RARB: variants seen among roughly 807,000 people sequenced by gnomAD.
RARB encodes the protein retinoic acid receptor beta.
Under a neutral mutation model 51.9 loss-of-function variants are expected in RARB, and 17 were observed. The observed-to-expected ratio is 0.33, with a 90% CI of 0.22 to 0.49. The LOEUF (loss-of-function observed/expected upper bound fraction) is 0.49, where lower values mean the gene tolerates loss of function less well. Ranked by LOEUF, RARB falls within the 20% of genes least tolerant of loss-of-function variation. RARB has a pLI of 0.99. For missense variants in RARB, 369 were observed against 550.8 expected (o/e 0.67, Z 3.30); for synonymous variants, 215 against 195.4 (o/e 1.10, Z -0.84).
At chr3:25,043,584 C>T (rs1698154766) in intron 2 of RARB, among the ~76,000 whole-genome samples, 1 of 152,176 alleles carries the variant, frequency 6.6e-6, no homozygotes, top group East Asian at 1.9e-4. Context: ...AGAAAGATAG[C>T]TTATTCCTCC....
intron 5 of RARB, among the ~76,000 whole-genome samples, chr3:25,416,140 C>T (rs1200312029): frequency 6.6e-6 from 1 of 152,166 alleles, no homozygotes; most frequent in Admixed American, 6.5e-5. Context: ...ACCCATAATC[C>T]CAGCACTCTG....
intron 2 of RARB, among the ~76,000 whole-genome samples, chr3:24,996,426 C>G (rs1266926611): frequency 6.6e-6 from 1 of 151,640 alleles, no homozygotes; most frequent in Non-Finnish European, 1.5e-5. Context: ...TTTTATTGAT[C>G]CTTTGGATTG....
At position 25,017,690 on chromosome 3, in the gene RARB, AC is replaced by A. The variant is rs925409357; in HGVS notation, c.-379-42434del. Among the ~76,000 whole-genome samples, 100 of 152,202 alleles carry A rather than the reference AC, an allele frequency of 6.6e-4. 2 individuals are homozygous for A. The highest frequency in any genetic ancestry group is 5.4e-4 in the Non-Finnish European group (37 of 68,040). ...TTTCTCTTAAGGTAGACTAAAAGGA[AC>A]TTTTAATGAGTACTTCTAAACTTAG... On this transcript the variant is annotated intron_variant, in intron 2 of 11. Coordinates refer to the RARB transcript ENST00000383772.
chr3:25,353,129 T>G (rs1359031606), intron 5 of RARB, among the ~76,000 whole-genome samples: 1 of 152,070 alleles, frequency 6.6e-6, no homozygotes, highest in African/African-American at 2.4e-5. Context: ...CACAGCTGCC[T>G]TTACTTTAAA....
chr3:25,020,177 C>T (rs1697602954), intron 2 of RARB: 1 of 150,356 alleles, frequency 6.7e-6, no homozygotes. Flanking sequence ...GAGGTGGGTT[C>T]TCACCAGGTT....
At chr3:25,414,258 C>T (rs972841034) in intron 5 of RARB, among the ~76,000 whole-genome samples, 1 of 152,142 alleles carries the variant, frequency 6.6e-6, no homozygotes, top group Non-Finnish European at 1.5e-5. Flanking sequence ...TAGTTCATTC[C>T]TTTTTATTGC....
chr3:24,933,282 A>ATT (rs34814817), intron 2 of RARB, among the ~76,000 whole-genome samples: 10 of 150,066 alleles, frequency 6.7e-5, no homozygotes, highest in Non-Finnish European at 1.0e-4. Context: ...TTCACTATAC[A>ATT]TTTTTTTTTT....
chr3:25,475,400 A>G (rs559695138), intron 2 of RARB, among the ~76,000 whole-genome samples: 1 of 151,232 alleles, frequency 6.6e-6, no homozygotes, highest in African/African-American at 2.4e-5. Flanking sequence ...CCAAATAACA[A>G]AGGGGGGGGG....
At chr3:24,951,359 G>C (rs1487452858) in intron 2 of RARB, among the ~76,000 whole-genome samples, 1 of 152,156 alleles carries the variant, frequency 6.6e-6, no homozygotes, top group African/African-American at 2.4e-5. Flanking sequence ...AGAGAGGAGG[G>C]AGCCATGGCC....
rs576393281 is a variant in RARB, at chr3:25,329,473, C to G, written c.179-131720C>G. Among the ~76,000 whole-genome samples the G allele has an allele frequency of 2.5e-3, 387 of 152,226 alleles. 1 individual carries two copies. The highest frequency in any genetic ancestry group is 6.8e-3 in the Middle Eastern group (2 of 294). ...GACTTTTAGAAGGAAAACTAATAAACAGAAAGGACATCCACACCAAAACCC... is the reference window on the plus strand; with the variant it reads ...GACTTTTAGAAGGAAAACTAATAAAGAGAAAGGACATCCACACCAAAACCC... On this transcript the variant is annotated intron_variant, in intron 5 of 11. Coordinates refer to the RARB transcript ENST00000383772.
At chr3:25,178,756 G>A (rs866978545) in intron 5 of RARB, among the ~76,000 whole-genome samples, 42 of 152,264 alleles carry the variant, frequency 2.8e-4, no homozygotes, top group African/African-American at 7.9e-4. Context: ...GAGTGCCGCC[G>A]TACTGCCTTT....
At chr3:24,909,999 G>A (rs913115636) in intron 2 of RARB, among the ~76,000 whole-genome samples, 1 of 151,972 alleles carries the variant, frequency 6.6e-6, no homozygotes, top group Non-Finnish European at 1.5e-5. Context: ...GCTTTTAATT[G>A]TTCTAGCCAG....
intron 2 of RARB, among the ~76,000 whole-genome samples, chr3:24,995,866 T>TA (rs1697026206): frequency 6.6e-6 from 1 of 152,102 alleles, no homozygotes; most frequent in Non-Finnish European, 1.5e-5. Context: ...GGTTTGCTAG[T>TA]GTTTTGTTAA....
At chr3:25,455,526 T>C (rs1388636917) in intron 1 of RARB, among the ~76,000 whole-genome samples, 10 of 152,318 alleles carry the variant, frequency 6.6e-5, no homozygotes, top group African/African-American at 2.2e-4. Flanking sequence ...GTGATAGTTA[T>C]CTGTATGTTG....
intron 5 of RARB, among the ~76,000 whole-genome samples, chr3:25,404,433 C>G (rs1707350655): frequency 6.6e-6 from 1 of 152,176 alleles, no homozygotes; most frequent in Non-Finnish European, 1.5e-5. Context: ...AGAGTTACTT[C>G]TGACTAGGCC....
At chr3:25,303,529 C>T (rs183498074) in intron 5 of RARB, among the ~76,000 whole-genome samples, 72 of 152,322 alleles carry the variant, frequency 4.7e-4, no homozygotes, top group African/African-American at 1.5e-3. Context: ...TCCCCTCTGA[C>T]GTTAGCTGAA....
chr3:25,412,944 G>C (rs191596024), intron 5 of RARB, among the ~76,000 whole-genome samples: 1 of 151,952 alleles, frequency 6.6e-6, no homozygotes, highest in African/African-American at 2.4e-5. Flanking sequence ...ACTTGAACCC[G>C]GGAGGCGGAG....
intron 2 of RARB, among the ~76,000 whole-genome samples, chr3:25,471,601 T>TG (rs1433627221): frequency 1.3e-5 from 2 of 150,520 alleles, no homozygotes; most frequent in African/African-American, 2.5e-5. Context: ...TCTGCGTGTT[T>TG]TTTTTTTTTC....
intron 2 of RARB, among the ~76,000 whole-genome samples, chr3:24,951,760 T>C (rs1315660194): frequency 6.6e-6 from 1 of 152,194 alleles, no homozygotes; most frequent in Non-Finnish European, 1.5e-5. Flanking sequence ...AGAGGAGAGA[T>C]GCTGCTCCTT....
Sources: gnomAD v4.1 joint callset for allele counts (sites outside exome capture counted in the v4.1 genomes callset) on GRCh38, gnomAD v4.1.1 for gene constraint, MANE v1.5 for transcripts, NCBI Gene and HGNC (gene_info 2026-07-23, HGNC 2026-07-21) for gene names.